DNAH17: variants seen among roughly 807,000 people sequenced by gnomAD.
DNAH17 encodes dynein axonemal heavy chain 17, also known as axonemal beta dynein heavy chain 17.
DNAH17 carries 376 observed loss-of-function variants against 485.6 expected under a neutral mutation model. The ratio of observed to expected loss-of-function variants is 0.77; its 90% CI spans 0.71 to 0.84. DNAH17 has a LOEUF of 0.84. DNAH17 is among the 40% of genes least tolerant of loss of function. The pLI is 0.00. For missense variants in DNAH17, 6,370 were observed against 5,839.3 expected, an observed-to-expected ratio of 1.09 and a Z score of -2.96; for synonymous variants, 3,031 against 2,405.9, an observed-to-expected ratio of 1.26 and a Z score of -7.60.
intron 57 of DNAH17, among the ~76,000 whole-genome samples, chr17:78,462,099 G>T (rs1254439591): frequency 1.3e-5 from 2 of 152,066 alleles, no homozygotes; most frequent in Non-Finnish European, 2.9e-5. Context: ...TTGAGCCCAG[G>T]AAGTCCAGGC....
chr17:78,539,152 C>T (rs1453103623), intron 18 of DNAH17, among the ~76,000 whole-genome samples: 2 of 152,064 alleles, frequency 1.3e-5, no homozygotes, highest in Non-Finnish European at 2.9e-5. Context: ...ACTGCTTGAA[C>T]CCAGGAGGTG....
Position 78,425,168 on chromosome 17 carries a change from C to T in DNAH17, c.13141+178G>A. 3 of 621,854 alleles carry T rather than the reference C, an allele frequency of 4.8e-6. No homozygotes were observed. The South Asian group carries it at 6.0e-5, about 12-fold the overall frequency. The allele number at this position is 621,854 out of a possible 1,614,324, so 38.5% of individuals were successfully genotyped here. A position where few individuals can be genotyped will look rare whatever the true frequency, so the allele number is the denominator to read the frequency against. ...CTGCACATTCCCTGAATCCTCTCAA[C>T]CCTCTCTAGGGTCAGCGTGGCTCTG... On this transcript the variant is annotated intron_variant, in intron 80 of 80. Transcript: ENST00000389840.
At chr17:78,535,183 G>A (rs1028229079) in intron 19 of DNAH17, among the ~76,000 whole-genome samples, 1 of 152,212 alleles carries the variant, frequency 6.6e-6, no homozygotes, top group African/African-American at 2.4e-5. Flanking sequence ...AACCGTGGGT[G>A]CCCAAGAGCA....
At chr17:78,458,953 G>A in intron 61 of DNAH17, 48 bp downstream of exon 61, 3 of 1,593,298 alleles carry the variant, frequency 1.9e-6, no homozygotes, top group South Asian at 1.1e-5. Flanking sequence ...GGCAGCGCGA[G>A]CAAGCGGCTC....
At chr17:78,504,846 A>C (rs116016114) in intron 31 of DNAH17, among the ~76,000 whole-genome samples, 2,774 of 148,068 alleles carry the variant, frequency 0.019, 77 homozygotes, top group African/African-American at 0.065. Flanking sequence ...CTTTTAAAGC[A>C]GTCCCTTTGG....
chr17:78,502,743 GGCGCCT>G (rs1391291460), intron 32 of DNAH17, 45 bp from the exon 33 acceptor site: 14 of 1,600,556 alleles, frequency 8.7e-6, no homozygotes, highest in Non-Finnish European at 1.2e-5. Context: ...AGCGATCGCT[GGCGCCT>G]GCTAACGCAG....
At chr17:78,569,857 C>G (rs9905186) in intron 7 of DNAH17, among the ~76,000 whole-genome samples, 7,726 of 152,248 alleles carry the variant, frequency 0.051, 452 homozygotes, top group African/African-American at 0.14. Context: ...GGATACAGCC[C>G]TTCAGCTCGA....
chr17:78,460,667 G>A (rs1205681357), intron 58 of DNAH17, among the ~76,000 whole-genome samples: 4 of 152,178 alleles, frequency 2.6e-5, no homozygotes, highest in African/African-American at 7.2e-5. Flanking sequence ...GCAATGCCTC[G>A]ACAGTTGGGT....
At position 78,459,825 on chromosome 17, in the gene DNAH17, G is replaced by T. The variant is rs143976401; in HGVS notation, c.9612C>A (p.Phe3204Leu). The T allele has an allele frequency of 6.2e-7, 1 of 1,614,018 alleles. No homozygotes were observed. The highest frequency in any genetic ancestry group is 1.3e-5 in the African/African-American group (1 of 75,066). The change falls in exon 60 of 81, where the codon TTC becomes TTA. Residue 3204 changes from phenylalanine to leucine, a missense_variant. Transcript: ENST00000389840. ...AGGCCTCAGGGATGTGCTCCTTGTC[G>T]AACTTCTTCAGGGAGTCTAGGAAGG... is the stretch of plus-strand genomic sequence containing the variant. ...VDTFLDSLKK[F>L]DKEHIPEACL...
At chr17:78,440,976 G>A in intron 72 of DNAH17, 75 bp downstream of exon 72, 3 of 1,526,358 alleles carry the variant, frequency 2.0e-6, no homozygotes, top group South Asian at 1.2e-5. Flanking sequence ...TGTGCTTTTG[G>A]TGTGCATTTT....
chr17:78,431,819 C>G (rs1354139768), intron 75 of DNAH17, among the ~76,000 whole-genome samples: 1 of 152,084 alleles, frequency 6.6e-6, no homozygotes, highest in Non-Finnish European at 1.5e-5. Context: ...CGCGGCTTCT[C>G]AGCAGCTTAG....
chr17:78,432,213 A>AAATAAATAAAATT (rs1568042512), intron 75 of DNAH17, among the ~76,000 whole-genome samples: 210 of 151,666 alleles, frequency 1.4e-3, no homozygotes, highest in African/African-American at 4.7e-3. Context: ...TAAAATAAAT[A>AAATAAATAAAATT]AAAATTAAAA....
At chr17:78,527,225 A>C (rs1231130854) in intron 22 of DNAH17, among the ~76,000 whole-genome samples, 1 of 152,106 alleles carries the variant, frequency 6.6e-6, no homozygotes, top group Non-Finnish European at 1.5e-5. Flanking sequence ...TCTACAAAAA[A>C]TACAAATTCT....
Position 78,570,308 on chromosome 17 carries a change from T to C in DNAH17, c.983A>G (p.Tyr328Cys), listed in dbSNP as rs769107163. 5.0e-6 allele frequency: 8 copies of C among 1,604,700 alleles called. No homozygotes were observed. Among genetic ancestry groups the C allele is most frequent in the African/African-American group, 1.3e-5 (1 of 74,920 alleles). Residue 328 changes from tyrosine to cysteine, a missense_variant, in exon 7 of 81, where the codon TAT becomes TGT. Tyr to Cys is a radical substitution (Grantham distance 194, BLOSUM62 -2). Coordinates refer to ENST00000389840, the MANE Select transcript of DNAH17 (RefSeq NM_173628.4). Reference protein sequence around the residue: ...ICFIWATSEYYNTPARIIVIL... With the variant: ...ICFIWATSEYCNTPARIIVIL... ...GACGATGATCCTGGCAGGTGTGTTA[T>C]AGTACTCAGAGGTGGCCCAGATGAA...
chr17:78,534,811 C>T, intron 19 of DNAH17, among the ~76,000 whole-genome samples: 1 of 152,142 alleles, frequency 6.6e-6, no homozygotes. Flanking sequence ...CTCTAAATCC[C>T]TGTGGCAGCC....
chr17:78,478,171 TCAC>T (rs1226042337), intron 51 of DNAH17, among the ~76,000 whole-genome samples: 1 of 127,168 alleles, frequency 7.9e-6, no homozygotes, highest in Non-Finnish European at 1.6e-5. Context: ...CACCATAACA[TCAC>T]CATCATCACC....
intron 74 of DNAH17, among the ~76,000 whole-genome samples, chr17:78,435,891 G>A (rs372983122): frequency 3.9e-4 from 60 of 152,316 alleles, no homozygotes; most frequent in African/African-American, 1.2e-3. Flanking sequence ...GGCAGGAGGC[G>A]TGTGGTATTG....
chr17:78,559,764 C>G (rs149875963), intron 13 of DNAH17, among the ~76,000 whole-genome samples: 1 of 152,132 alleles, frequency 6.6e-6, no homozygotes, highest in Admixed American at 6.5e-5. Context: ...TCCATGGGGC[C>G]CTTCCTCGTC....
chr17:78,494,882 T>C, intron 39 of DNAH17, 62 bp from the exon 40 acceptor site: 1 of 1,573,214 alleles, frequency 6.4e-7, no homozygotes, highest in African/African-American at 1.3e-5. Flanking sequence ...AGCAGGCAGG[T>C]CTGGAAGCCA....
Sources: gnomAD v4.1 joint callset for allele counts (sites outside exome capture counted in the v4.1 genomes callset) on GRCh38, gnomAD v4.1.1 for gene constraint, MANE v1.5 for transcripts, NCBI Gene and HGNC (gene_info 2026-07-23, HGNC 2026-07-21) for gene names.